LCT: variants seen among roughly 807,000 people sequenced by gnomAD.
LCT encodes lactase/phlorizin hydrolase.
In LCT, 90 loss-of-function variants were observed where a neutral mutation model predicts 173.0. The ratio of observed to expected loss-of-function variants is 0.52; its 90% CI spans 0.44 to 0.62. The LOEUF (loss-of-function observed/expected upper bound fraction) is 0.62, where lower values mean the gene tolerates loss of function less well. Ranked by LOEUF, LCT falls within the 20% of genes least tolerant of loss-of-function variation. LCT has a pLI of 0.00. For missense variants in LCT, 1,864 were observed against 2,431.4 expected, an observed-to-expected ratio of 0.77 and a Z score of 4.91; for synonymous variants, 853 against 957.6, an observed-to-expected ratio of 0.89 and a Z score of 2.02.
chr2:135,819,742 G>C (rs1030526025), intron 5 of LCT, among the ~76,000 whole-genome samples: 3 of 152,194 alleles, frequency 2.0e-5, no homozygotes, highest in Non-Finnish European at 4.4e-5. Context: ...TCGCAGCTGG[G>C]GATGTGTCGC....
At chr2:135,796,702 T>C (rs1358667962) in intron 13 of LCT, among the ~76,000 whole-genome samples, 1 of 152,186 alleles carries the variant, frequency 6.6e-6, no homozygotes, top group Non-Finnish European at 1.5e-5. Flanking sequence ...TGGAGAACTG[T>C]CTTTCCAGCT....
chr2:135,812,789 G>A lies in LCT; in HGVS notation c.1875C>T (p.His625=), dbSNP rs1466111637. Residue 625 remains histidine, a synonymous_variant, in exon 7 of 17, where the codon CAC becomes CAT. Coordinates refer to ENST00000264162, the MANE Select transcript of LCT (RefSeq NM_002299.4). The part of the protein sequence containing the change: ...EDLRASERFL[H]FMLGWFAHPV... ...GGTGTGCAAACCAGCCCAGCATGAA[G>A]TGCAAGAAGCGCTCAGAGGCTCTCA... 6.2e-7 allele frequency: 1 copy of A among 1,614,108 alleles called. No homozygotes were observed. Among genetic ancestry groups the A allele is most frequent in the African/African-American group, 1.3e-5 (1 of 74,928 alleles).
chr2:135,799,116 C>T (rs1179144394), intron 12 of LCT, among the ~76,000 whole-genome samples: 1 of 152,218 alleles, frequency 6.6e-6, no homozygotes, highest in Non-Finnish European at 1.5e-5. Context: ...TGTTTCAAAA[C>T]TGTTTCCCCA....
chr2:135,805,180 C>T, intron 9 of LCT, 123 bp from the exon 10 acceptor site: 1 of 964,314 alleles, frequency 1.0e-6, no homozygotes. Context: ...TAGCTTAAAA[C>T]AAGCACATTG....
At chr2:135,804,353 A>C (rs1432089339) in intron 10 of LCT, among the ~76,000 whole-genome samples, 1 of 152,208 alleles carries the variant, frequency 6.6e-6, no homozygotes, top group African/African-American at 2.4e-5. Context: ...ATGCTTTTCA[A>C]ATTCTGCATC....
intron 11 of LCT, 104 bp from the exon 12 acceptor site, chr2:135,800,913 G>T (rs1012784380): frequency 2.3e-6 from 2 of 888,692 alleles, no homozygotes; most frequent in South Asian, 2.8e-5. Context: ...GGGAGAAGGG[G>T]TGTAGATTCT....
At chr2:135,798,256 G>C in intron 12 of LCT, 118 bp from the exon 13 acceptor site, 1 of 732,546 alleles carries the variant, frequency 1.4e-6, no homozygotes. Flanking sequence ...TGGACCCCCA[G>C]GTTAAGCTCT....
At chr2:135,792,055 C>A (rs1167460558) in intron 14 of LCT, among the ~76,000 whole-genome samples, 1 of 152,202 alleles carries the variant, frequency 6.6e-6, no homozygotes, top group Non-Finnish European at 1.5e-5. Flanking sequence ...GAGACAGCTG[C>A]AAAACTGTGA....
At chr2:135,833,650 G>C (rs1034556074) in intron 1 of LCT, among the ~76,000 whole-genome samples, 2 of 150,898 alleles carry the variant, frequency 1.3e-5, no homozygotes, top group Non-Finnish European at 2.9e-5. Flanking sequence ...GTTGCACCGG[G>C]TTAGCCAGGA....
At chr2:135,835,446 A>G in intron 1 of LCT, among the ~76,000 whole-genome samples, 1 of 143,222 alleles carries the variant, frequency 7.0e-6, no homozygotes, top group African/African-American at 2.6e-5. Flanking sequence ...GAATATAGTC[A>G]TAAACTATGT....
intron 13 of LCT, among the ~76,000 whole-genome samples, chr2:135,796,916 G>C (rs1278647656): frequency 6.6e-6 from 1 of 151,668 alleles, no homozygotes; most frequent in African/African-American, 2.4e-5. Flanking sequence ...CTAGGCCAGG[G>C]TGTGCATTGT....
Position 135,808,916 on chromosome 2 carries a change from T to C in LCT, c.3431A>G (p.Asp1144Gly). The part of the protein sequence containing the change: ...PGVPRDVEAA[D>G]RMLQFSLGWF... ...GCCCAGGGAGAACTGCAGCATTCGG[T>C]CAGCGGCTTCCACATCTCTGGGGAC... Residue 1144 changes from aspartate to glycine, a missense_variant, in exon 8 of 17, where the codon GAC becomes GGC. Asp to Gly is a moderately conservative substitution (Grantham distance 94). This residue lies in a region of LCT where 755 missense variants were observed against 926.3 expected (regional missense o/e 0.82). Transcript: ENST00000264162. The C allele has an allele frequency of 6.2e-7, 1 of 1,614,206 alleles. No homozygotes were observed. The highest frequency in any genetic ancestry group is 8.5e-7 in the Non-Finnish European group (1 of 1,180,030).
At chr2:135,826,908 G>GT (rs2077893542) in intron 3 of LCT, among the ~76,000 whole-genome samples, 1 of 152,174 alleles carries the variant, frequency 6.6e-6, no homozygotes, top group Non-Finnish European at 1.5e-5. Flanking sequence ...AAAAACAACT[G>GT]AAACTGATCA....
rs140994860 is a variant in LCT at position 135,809,464 on chromosome 2, G to A, written c.2883C>T (p.Ala961=). The change falls in exon 8 of 17, where the codon GCC becomes GCT. Residue 961 remains alanine, a synonymous_variant. Transcript: ENST00000264162. This position sits in a 1 kb window ranked among gnomAD's most constrained non-coding sequence, Gnocchi z 5.5. ...IACDSYHQLD[A]DLNMLRALKV... ...TCAAAGCTCGGAGCATATTCAGATCGGCATCCAGCTGGTGATAGCTGTCAC... is the reference window on the plus strand; with the variant it reads ...TCAAAGCTCGGAGCATATTCAGATCAGCATCCAGCTGGTGATAGCTGTCAC... 9.0e-4 allele frequency: 1,453 copies of A among 1,614,214 alleles called. 5 individuals carry two copies. The highest frequency in any genetic ancestry group is 9.7e-4 in the Non-Finnish European group (1,145 of 1,180,044).
At position 135,826,969 on chromosome 2, in the gene LCT, CTTCTTT is replaced by C. The variant is rs1427837905; in HGVS notation, c.804+2618_804+2623del. 3.9e-5 allele frequency among the ~76,000 whole-genome samples: 6 copies of C among 152,018 alleles called. No homozygotes were observed. In the East Asian group the frequency reaches 9.6e-4, roughly 24 times the overall value. On this transcript the variant is annotated intron_variant, in intron 3 of 16. Transcript: ENST00000264162. Reference sequence around the variant, plus strand: ...CATTATCATGTTCCAAACCCTTGGACTTCTTTTTCTTTTTCTTTATTTTTTTTTGAG... The same window carrying C: ...CATTATCATGTTCCAAACCCTTGGACTTCTTTTTCTTTATTTTTTTTTGAG...
Position 135,836,638 on chromosome 2 carries a change from C to A in LCT, c.532G>T (p.Val178Leu). The change falls in exon 1 of 17, where the codon GTG becomes TTG. Residue 178 changes from valine to leucine, a missense_variant. This residue lies in a region of LCT where 412 missense variants were observed against 462.0 expected (regional missense o/e 0.89). Transcript: ENST00000264162. The stretch of plus-strand genomic sequence containing the variant: ...TCCTGGTGGGGAAGCTCCTTGATCA[C>A]TTCCTCCAAGTCACTGAAGGTGAAC... ...IWFTFSDLEE[V>L]IKELPHQESR... 1 of 1,614,136 alleles carries A rather than the reference C, an allele frequency of 6.2e-7. No individual in the cohort carries two copies. The highest frequency in any genetic ancestry group is 8.5e-7 in the Non-Finnish European group (1 of 1,180,002).
At chr2:135,816,622 T>C (rs1313099270) in intron 6 of LCT, among the ~76,000 whole-genome samples, 2 of 152,192 alleles carry the variant, frequency 1.3e-5, no homozygotes, top group Non-Finnish European at 2.9e-5. Context: ...GTAAATTCTC[T>C]CCTTGCTTAA....
At chr2:135,816,702 C>T (rs1243424788) in intron 6 of LCT, among the ~76,000 whole-genome samples, 7 of 152,112 alleles carry the variant, frequency 4.6e-5, no homozygotes, top group South Asian at 2.1e-4. Flanking sequence ...CAAGAAGACT[C>T]GGACTCAAAT....
At chr2:135,829,511 G>A in intron 3 of LCT, 82 bp downstream of exon 3, 1 of 1,045,370 alleles carries the variant, frequency 9.6e-7, no homozygotes, top group Non-Finnish European at 1.5e-6. Flanking sequence ...AGTTTATGCA[G>A]TAGCCAAAGC....
Sources: allele counts gnomAD v4.1 joint callset (sites outside exome capture counted in the v4.1 genomes callset), GRCh38; gene constraint gnomAD v4.1.1; regional missense constraint gnomAD v4.1.1; non-coding constraint Gnocchi (gnomAD v3.1); transcripts MANE v1.5; gene names NCBI Gene and HGNC (gene_info 2026-07-23, HGNC 2026-07-21).